PLCG2: variants seen among roughly 807,000 people sequenced by gnomAD.
The protein encoded by PLCG2 is 1-phosphatidylinositol 4,5-bisphosphate phosphodiesterase gamma-2.
Under a neutral mutation model 175.6 loss-of-function variants are expected in PLCG2, and 69 were observed. The ratio of observed to expected loss-of-function variants is 0.39; its 90% CI spans 0.32 to 0.48. The LOEUF (loss-of-function observed/expected upper bound fraction) is 0.48. PLCG2 is among the 20% of genes least tolerant of loss of function. The probability of loss-of-function intolerance (pLI) is 0.91; values close to 1 mark genes in which losing one functional copy is unlikely to be tolerated. For synonymous variants in PLCG2, 827 were observed against 624.0 expected, an observed-to-expected ratio of 1.33 and a Z score of -4.85; for missense variants, 1,798 against 1,650.9, an observed-to-expected ratio of 1.09 and a Z score of -1.54.
At chr16:81,792,663 G>A (rs1911292642) in intron 2 of PLCG2, among the ~76,000 whole-genome samples, 1 of 152,072 alleles carries the variant, frequency 6.6e-6, no homozygotes, top group Non-Finnish European at 1.5e-5. Flanking sequence ...CATGGTGGCA[G>A]CAAGGAGAAG....
chr16:81,754,673 C>G (rs1206459626), intron 1 of PLCG2, among the ~76,000 whole-genome samples: 2 of 151,162 alleles, frequency 1.3e-5, no homozygotes, highest in South Asian at 2.1e-4. Context: ...GCAGAGCTCA[C>G]TAGTGGGAAC....
At chr16:81,881,032 G>C in intron 8 of PLCG2, 79 bp downstream of exon 8, 3 of 1,430,416 alleles carry the variant, frequency 2.1e-6, no homozygotes, top group Non-Finnish European at 3.0e-6. Context: ...TCCAGGAGGG[G>C]ATGCCTGTGT....
Position 81,768,036 on chromosome 16 carries a change from C to A in PLCG2, c.-48+12070C>A, listed in dbSNP as rs1041320448. Among the ~76,000 whole-genome samples the A allele has an allele frequency of 2.6e-5, 4 of 152,066 alleles. No homozygotes were observed. In the East Asian group the frequency reaches 5.8e-4, roughly 22 times the overall value. On this transcript the variant is annotated intron_variant, in intron 2 of 5. Coordinates refer to the PLCG2 transcript ENST00000565054. Reference sequence around the variant, plus strand: ...TCCTGAGTAGCTGGGATTACAGGCACCCGCCACCATGCCCACCTAGTTTTT... The same window carrying A: ...TCCTGAGTAGCTGGGATTACAGGCAACCGCCACCATGCCCACCTAGTTTTT...
intron 2 of PLCG2, among the ~76,000 whole-genome samples, chr16:81,852,777 T>C (rs924495968): frequency 1.3e-5 from 2 of 152,214 alleles, no homozygotes; most frequent in Non-Finnish European, 2.9e-5. Context: ...CTGGGAGAGC[T>C]TGTCTGTGTT....
In PLCG2 at chr16:81,812,284, C is replaced by T. The variant is rs188153955; in HGVS notation, c.193+26102C>T. On this transcript the variant is annotated intron_variant, in intron 2 of 32. Transcript: ENST00000564138. ...CAGGATGGTCTTGATCTCCTGACCT[C>T]GTGATCCACACGCCTCAGCCTCCCA... Among the ~76,000 whole-genome samples, 1,205 of 151,986 alleles carry T rather than the reference C, an allele frequency of 7.9e-3. 19 individuals carry two copies. The highest frequency in any genetic ancestry group is 0.028 in the African/African-American group (1,158 of 41,454).
chr16:81,956,589 C>T (rs1260714186), intron 31 of PLCG2, 106 bp from the exon 32 acceptor site: 2 of 960,940 alleles, frequency 2.1e-6, no homozygotes, highest in Non-Finnish European at 3.1e-6. Flanking sequence ...AGTTGCAAAA[C>T]TTCTGCCCCA....
chr16:81,905,592 C>T (rs971691081), intron 15 of PLCG2, 85 bp downstream of exon 15: 49 of 813,652 alleles, frequency 6.0e-5, no homozygotes, highest in Middle Eastern at 2.5e-4. Flanking sequence ...TCTGAGAATA[C>T]GCCTGTCTTG....
intron 2 of PLCG2, among the ~76,000 whole-genome samples, chr16:81,760,403 G>C (rs867519304): frequency 6.6e-6 from 1 of 152,138 alleles, no homozygotes; most frequent in Non-Finnish European, 1.5e-5. Flanking sequence ...TCTGACACCT[G>C]CTTCTCTTGT....
intron 2 of PLCG2, among the ~76,000 whole-genome samples, chr16:81,854,231 G>A (rs143985669): frequency 1.2e-4 from 19 of 152,330 alleles, no homozygotes; most frequent in African/African-American, 3.4e-4. Context: ...AGACTCCAGG[G>A]GTTTGTGGGG....
At chr16:81,858,427 G>C in intron 4 of PLCG2, 71 bp downstream of exon 4, 1 of 1,021,258 alleles carries the variant, frequency 9.8e-7, no homozygotes. Context: ...GCCAACATGG[G>C]CTACAGGGGG....
chr16:81,827,050 C>T (rs1417516242), intron 2 of PLCG2, among the ~76,000 whole-genome samples: 1 of 152,198 alleles, frequency 6.6e-6, no homozygotes, highest in East Asian at 1.9e-4. Context: ...TTTGCAGATT[C>T]CTAAGCCCCA....
At chr16:81,957,364 G>T (rs1174463706) in intron 32 of PLCG2, among the ~76,000 whole-genome samples, 1 of 152,118 alleles carries the variant, frequency 6.6e-6, no homozygotes, top group African/African-American at 2.4e-5. Flanking sequence ...CTTTGTTCTA[G>T]AAATTAACCT....
chr16:81,761,829 A>G (rs886586649), intron 2 of PLCG2, among the ~76,000 whole-genome samples: 2 of 130,238 alleles, frequency 1.5e-5, no homozygotes, highest in South Asian at 2.4e-4. Context: ...CACCCTGCAC[A>G]TTTTTTTTTT....
chr16:81,881,285 A>T (rs1362962881), intron 8 of PLCG2, among the ~76,000 whole-genome samples: 1 of 152,224 alleles, frequency 6.6e-6, no homozygotes, highest in Non-Finnish European at 1.5e-5. Flanking sequence ...TTAATGATCA[A>T]ATAAGTGAAA....
At chr16:81,871,425 G>C (rs1285925559) in intron 7 of PLCG2, among the ~76,000 whole-genome samples, 1 of 152,100 alleles carries the variant, frequency 6.6e-6, no homozygotes, top group Non-Finnish European at 1.5e-5. Context: ...TGCAACCTTT[G>C]CCTCCCGGGT....
chr16:81,872,026 T>G (rs1207460581), intron 7 of PLCG2, among the ~76,000 whole-genome samples: 1 of 152,206 alleles, frequency 6.6e-6, no homozygotes, highest in East Asian at 1.9e-4. Flanking sequence ...TCTGCTATTT[T>G]GTTAAAAATC....
Position 81,962,085 on chromosome 16 carries a change from C to T in PLCG2, c.*4087C>T, listed in dbSNP as rs146405138. The T allele has an allele frequency of 1.2e-4, 22 of 186,306 alleles. No homozygotes were observed. The East Asian group carries it at 1.6e-3, about 13-fold the overall frequency. The allele number at this position is 186,306 out of a possible 1,614,324, so 11.5% of individuals were successfully genotyped here. On this transcript the variant is annotated 3_prime_UTR_variant, in exon 33 of 33. Transcript: ENST00000564138. ...CTCCGTCGAAGAGGACGACCAACCC[C>T]GATAGAGGAGGACCGGTCTTCGGTC...
intron 2 of PLCG2, among the ~76,000 whole-genome samples, chr16:81,853,958 C>A (rs1479489527): frequency 6.6e-6 from 1 of 152,160 alleles, no homozygotes; most frequent in African/African-American, 2.4e-5. Context: ...TTCATTTCCT[C>A]TTCCCCCTTT....
intron 2 of PLCG2, among the ~76,000 whole-genome samples, chr16:81,849,146 A>G (rs567166818): frequency 3.9e-5 from 6 of 152,124 alleles, no homozygotes; most frequent in African/African-American, 1.4e-4. Flanking sequence ...CCTTACAGCA[A>G]TGGGACGTCA....
Sources: allele counts gnomAD v4.1 joint callset (sites outside exome capture counted in the v4.1 genomes callset), GRCh38; gene constraint gnomAD v4.1.1; transcripts MANE v1.5; gene names NCBI Gene and HGNC (gene_info 2026-07-23, HGNC 2026-07-21).